RIC3: variants seen among roughly 807,000 people sequenced by gnomAD.
RIC3 encodes the protein protein RIC-3.
In RIC3, 28 loss-of-function variants were observed where a neutral mutation model predicts 27.3. The observed-to-expected ratio is 1.02, with a 90% CI of 0.76 to 1.41. The LOEUF is 1.41. Among genes scored for constraint, RIC3 ranks in the 40% most tolerant of loss-of-function variants. The pLI is 0.00. For synonymous variants in RIC3, 184 were observed against 160.4 expected (o/e 1.15, Z -1.11); for missense variants, 501 against 444.7 (o/e 1.13, Z -1.14).
At chr11:8,139,148 A>T (rs947709468) in intron 2 of RIC3, 1 of 152,312 alleles carries the variant, frequency 6.6e-6, no homozygotes, top group Non-Finnish European at 1.5e-5. Flanking sequence ...AAATCTCCCT[A>T]CAGGTCATCT....
chr11:8,107,076 G>A lies in RIC3; in HGVS notation c.*3622C>T, dbSNP rs1424385433. On this transcript the variant is annotated 3_prime_UTR_variant, in exon 6 of 6. Transcript: ENST00000309737. ...GAGAGGTTAAGGAATGACCTAAGAG[G>A]AGAAATTTGGGCTATTTTCTTTGTA... 1 of 152,198 alleles carries A rather than the reference G, an allele frequency of 6.6e-6. No homozygotes were observed. The highest frequency in any genetic ancestry group is 1.9e-4 in the East Asian group (1 of 5,202). The allele number at this position is 152,198 out of a possible 1,614,324, so 9.4% of individuals were successfully genotyped here.
chr11:8,159,077 T>C (rs1165535645), intron 1 of RIC3, among the ~76,000 whole-genome samples: 3 of 150,966 alleles, frequency 2.0e-5, no homozygotes, highest in Admixed American at 6.6e-5. Flanking sequence ...AACAAGATAA[T>C]GATAAATACT....
chr11:8,123,202 A>T (rs1312663927), intron 5 of RIC3, among the ~76,000 whole-genome samples: 1 of 152,102 alleles, frequency 6.6e-6, no homozygotes, highest in Non-Finnish European at 1.5e-5. Flanking sequence ...GAAAAAAAAA[A>T]GTGAACAGAA....
chr11:8,127,286 G>C (rs771891235), intron 4 of RIC3, among the ~76,000 whole-genome samples: 1 of 152,142 alleles, frequency 6.6e-6, no homozygotes, highest in Admixed American at 6.5e-5. Context: ...CTTAATTTAC[G>C]TGTGCAGGTA....
chr11:8,139,891 T>G (rs762637337), intron 2 of RIC3, 76 bp downstream of exon 2: 20 of 1,316,378 alleles, frequency 1.5e-5, no homozygotes, highest in Non-Finnish European at 2.0e-5. Context: ...CTATAAGAAG[T>G]TTTAATGTAG....
downstream of RIC3, chr11:8,101,111 T>C (rs1944279945): frequency 2.3e-6 from 3 of 1,291,820 alleles, no homozygotes; most frequent in Non-Finnish European, 3.2e-6. Flanking sequence ...ATGTGAGCTA[T>C]ACAGCTAAGG....
chr11:8,134,657 G>C (rs1486904612), intron 4 of RIC3, among the ~76,000 whole-genome samples: 1 of 152,116 alleles, frequency 6.6e-6, no homozygotes, highest in Admixed American at 6.5e-5. Context: ...TCCAGCACCT[G>C]TTATTTCCTG....
At chr11:8,097,356 C>T in the RIC3 span, 3 of 1,614,052 alleles carry the variant, frequency 1.9e-6, no homozygotes, top group Non-Finnish European at 2.5e-6. Context: ...TCACTCGGGA[C>T]AAGAAAGGGA....
At chr11:8,094,958 C>T in the RIC3 span, among the ~76,000 whole-genome samples, 19 of 152,296 alleles carry the variant, frequency 1.2e-4, no homozygotes, top group Non-Finnish European at 2.1e-4. Context: ...TCTGTGGTAA[C>T]GGGCAGGAAA....
Position 8,107,645 on chromosome 11 carries a change from A to G in RIC3, c.*3053T>C, listed in dbSNP as rs1292424125. The G allele has an allele frequency of 6.6e-6, 1 of 151,846 alleles. No individual in the cohort carries two copies. The highest frequency in any genetic ancestry group is 1.5e-5 in the Non-Finnish European group (1 of 68,010). The allele number at this position is 151,846 out of a possible 1,614,324, so 9.4% of individuals were successfully genotyped here. A position where few individuals can be genotyped will look rare whatever the true frequency, so the allele number is the denominator to read the frequency against. On this transcript the variant is annotated 3_prime_UTR_variant, in exon 6 of 6. Transcript: ENST00000309737. ...GATTCTACAGGCCAAATACACCTCCACTCCTCATCACGACTCCCTGGGCCC... is the reference window on the plus strand; with the variant it reads ...GATTCTACAGGCCAAATACACCTCCGCTCCTCATCACGACTCCCTGGGCCC...
Position 8,110,079 on chromosome 11 carries a change from G to A in RIC3, c.*619C>T, listed in dbSNP as rs150130872. 853 of 161,200 alleles carry A rather than the reference G, an allele frequency of 5.3e-3. 4 individuals are homozygous for A. Among genetic ancestry groups the A allele is most frequent in the Middle Eastern group, 0.045 (14 of 310 alleles). The allele number at this position is 161,200 out of a possible 1,614,324, so 10.0% of individuals were successfully genotyped here. Reference sequence around the variant, plus strand: ...AGCCTCTGGGCTCATTCTCAGATCAGTGGGAGTCTTCCCTACTCTGGAGAA... The same window carrying A: ...AGCCTCTGGGCTCATTCTCAGATCAATGGGAGTCTTCCCTACTCTGGAGAA... On this transcript the variant is annotated 3_prime_UTR_variant, in exon 6 of 6. Coordinates refer to ENST00000309737, the MANE Select transcript of RIC3 (RefSeq NM_001206671.4).
chr11:8,126,820 A>G lies in RIC3; in HGVS notation c.522-13T>C, dbSNP rs762998608. On this transcript the variant is annotated splice_polypyrimidine_tract_variant and intron_variant, in intron 4 of 5. Coordinates refer to ENST00000309737, the MANE Select transcript of RIC3 (RefSeq NM_001206671.4). ...AGTCTGTGCTCTGCTTAGAAATATC[A>G]GACAATCCAACCATTTAGTGGTAAA... The G allele has an allele frequency of 6.2e-7, 1 of 1,613,940 alleles. No homozygotes were observed. The highest frequency in any genetic ancestry group is 1.1e-5 in the South Asian group (1 of 91,080).
At chr11:8,167,176 G>A (rs1439012805) in intron 1 of RIC3, among the ~76,000 whole-genome samples, 2 of 152,108 alleles carry the variant, frequency 1.3e-5, no homozygotes, top group East Asian at 1.9e-4. Flanking sequence ...CCCATTATAT[G>A]CCAGGTACTG....
At chr11:8,146,887 G>C (rs1468557522) in intron 1 of RIC3, among the ~76,000 whole-genome samples, 1 of 152,170 alleles carries the variant, frequency 6.6e-6, no homozygotes, top group Non-Finnish European at 1.5e-5. Context: ...CAATTTTACT[G>C]TGTAAAGGAA....
downstream of RIC3, chr11:8,101,685 C>T: frequency 1.3e-6 from 2 of 1,583,396 alleles, no homozygotes; most frequent in East Asian, 2.3e-5. Flanking sequence ...CCTGTGGAGA[C>T]AGCCCTGCCT....
At chr11:8,150,489 G>T (rs972746429) in intron 1 of RIC3, among the ~76,000 whole-genome samples, 45 of 152,154 alleles carry the variant, frequency 3.0e-4, no homozygotes, top group African/African-American at 1.1e-3. Flanking sequence ...TTATATTCCA[G>T]TTGTTGATGG....
At chr11:8,119,629 G>A (rs1209467592) in intron 5 of RIC3, among the ~76,000 whole-genome samples, 1 of 152,124 alleles carries the variant, frequency 6.6e-6, no homozygotes, top group Admixed American at 6.5e-5. Context: ...CAGGACATAG[G>A]CATAGGCAAG....
chr11:8,137,301 G>C (rs771560563), intron 4 of RIC3, 77 bp downstream of exon 4: 4 of 1,303,966 alleles, frequency 3.1e-6, no homozygotes, highest in Non-Finnish European at 4.4e-6. Flanking sequence ...TGGGATTAGA[G>C]GCCTCGGCCA....
chr11:8,101,057 G>C, downstream of RIC3: 1 of 1,595,450 alleles, frequency 6.3e-7, no homozygotes, highest in Non-Finnish European at 8.6e-7. Flanking sequence ...CTTAGCGTAG[G>C]GTTCAGCCCA....
Sources: allele counts gnomAD v4.1 joint callset (sites outside exome capture counted in the v4.1 genomes callset), GRCh38; gene constraint gnomAD v4.1.1; transcripts MANE v1.5; gene names NCBI Gene and HGNC (gene_info 2026-07-23, HGNC 2026-07-21).